NEK9: variants seen among roughly 807,000 people sequenced by gnomAD.
NEK9 encodes NIMA related kinase 9, also known as serine/threonine-protein kinase Nek9.
A neutral mutation model predicts 123.4 loss-of-function variants in NEK9; 75 were observed. The ratio of observed to expected loss-of-function variants is 0.61; its 90% CI spans 0.50 to 0.74. The LOEUF (loss-of-function observed/expected upper bound fraction) is 0.74, where lower values mean the gene tolerates loss of function less well. NEK9 is among the 30% of genes least tolerant of loss of function. NEK9 has a pLI of 0.00. For missense variants in NEK9, 952 were observed against 1,214.4 expected, an observed-to-expected ratio of 0.78 and a Z score of 3.21; for synonymous variants, 438 against 458.7, an observed-to-expected ratio of 0.95 and a Z score of 0.58.
At chr14:75,105,902 C>T (rs751303005) in intron 13 of NEK9, 48 bp downstream of exon 13, 2 of 1,407,496 alleles carry the variant, frequency 1.4e-6, no homozygotes, top group Non-Finnish European at 2.0e-6. Context: ...TTATTGGAGT[C>T]TGTGCGACTT....
At chr14:75,089,232 AATT>A (rs1281129046) in intron 19 of NEK9, among the ~76,000 whole-genome samples, 1 of 151,850 alleles carries the variant, frequency 6.6e-6, no homozygotes, top group Non-Finnish European at 1.5e-5. Context: ...ATGCCCGGCT[AATT>A]ATTATTTTTT....
chr14:75,127,171 G>A (rs1398648329), upstream of NEK9: 2 of 450,008 alleles, frequency 4.4e-6, no homozygotes, highest in Non-Finnish European at 7.9e-6. Context: ...GGGAAGGCCT[G>A]CAAAGTGAGG....
At chr14:75,116,942 G>T (rs569603813) in intron 6 of NEK9, among the ~76,000 whole-genome samples, 3 of 152,214 alleles carry the variant, frequency 2.0e-5, no homozygotes, top group East Asian at 3.9e-4. Context: ...ATGGAGACGG[G>T]GTTTCACCAT....
intron 11 of NEK9, among the ~76,000 whole-genome samples, chr14:75,107,016 C>T (rs947520130): frequency 1.3e-5 from 2 of 152,036 alleles, no homozygotes; most frequent in Admixed American, 1.3e-4. Context: ...TAAGTAATGA[C>T]AAGACCAAAA....
At chr14:75,120,444 G>A in intron 4 of NEK9, 66 bp downstream of exon 4, 3 of 1,043,920 alleles carry the variant, frequency 2.9e-6, no homozygotes, top group South Asian at 2.7e-5. Context: ...TGTTGTTGGG[G>A]GGGTATCCAC....
intron 3 of NEK9, 79 bp downstream of exon 3, chr14:75,121,040 T>C: frequency 8.8e-7 from 1 of 1,138,916 alleles, no homozygotes; most frequent in Non-Finnish European, 1.3e-6. Context: ...TCTTCACTAT[T>C]GGAAGAGTAA....
chr14:75,118,277 A>G (rs745934149), intron 5 of NEK9, among the ~76,000 whole-genome samples: 5 of 152,212 alleles, frequency 3.3e-5, no homozygotes, highest in Non-Finnish European at 5.9e-5. Flanking sequence ...AACTAGAAGA[A>G]TAACAACTGG....
intron 16 of NEK9, among the ~76,000 whole-genome samples, chr14:75,099,269 G>A (rs1016566574): frequency 1.3e-5 from 2 of 152,040 alleles, no homozygotes; most frequent in African/African-American, 4.8e-5. Context: ...AGGCTGCACT[G>A]AGCCGAGATC....
intron 16 of NEK9, among the ~76,000 whole-genome samples, chr14:75,098,095 G>C (rs1281285252): frequency 6.6e-6 from 1 of 152,184 alleles, no homozygotes; most frequent in Non-Finnish European, 1.5e-5. Context: ...GGGGAGCAAG[G>C]ATGGAAGCAG....
intron 18 of NEK9, among the ~76,000 whole-genome samples, chr14:75,095,061 T>C (rs1023725506): frequency 2.0e-5 from 3 of 152,136 alleles, no homozygotes; most frequent in Non-Finnish European, 2.9e-5. Context: ...ACCGTGGAAG[T>C]AGAGGACTCA....
In NEK9 at chr14:75,113,396, T is replaced by C; in HGVS notation, c.881A>G (p.Glu294Gly). The C allele has an allele frequency of 6.2e-7, 1 of 1,612,522 alleles. No individual in the cohort carries two copies. ...MVHSCLDQDP[E>G]QRPTADELLD... Reference sequence around the variant, plus strand: ...AAGTTCATCTGCAGTAGGTCTCTGCTCAGGATCCTAAAAAGTAAAAATAGG... The same window carrying C: ...AAGTTCATCTGCAGTAGGTCTCTGCCCAGGATCCTAAAAAGTAAAAATAGG... Residue 294 changes from glutamate to glycine, a missense_variant, in exon 8 of 22, where the codon GAG (glutamate) becomes GGG (glycine). Around this residue, in one of 4 missense-constraint regions of NEK9, gnomAD observed 698 missense variants for 875.6 expected, o/e 0.80. Coordinates refer to ENST00000238616, the MANE Select transcript of NEK9 (RefSeq NM_033116.6).
At position 75,107,584 on chromosome 14, in the gene NEK9, G is replaced by A. The variant is rs1594840478; in HGVS notation, c.1183-97C>T. ...GGTTCTCGCTATGTTGCCCAAGCTGGTCTTGAACTCCTGGGCTCAAGTGAT... is the reference window on the plus strand; with the variant it reads ...GGTTCTCGCTATGTTGCCCAAGCTGATCTTGAACTCCTGGGCTCAAGTGAT... On this transcript the variant is annotated intron_variant, in intron 10 of 21. Transcript: ENST00000238616. 24 of 1,044,740 alleles carry A rather than the reference G, an allele frequency of 2.3e-5. No individual in the cohort carries two copies. In the South Asian group the frequency reaches 4.2e-4, roughly 18 times the overall value. 64.7% of individuals were successfully genotyped at this position (1,044,740 alleles called of 1,614,324 possible).
At chr14:75,127,112 C>T (rs561988706), upstream of NEK9, 116 of 537,100 alleles carry the variant, frequency 2.2e-4, no homozygotes, top group Non-Finnish European at 3.4e-4. Context: ...TTTCCTCCGC[C>T]TTTGCTTACC....
In NEK9 at chr14:75,082,112, C is replaced by T. The variant is rs2139699187; in HGVS notation, c.*2452G>A. 1.3e-5 allele frequency: 2 copies of T among 152,306 alleles called. No individual in the cohort carries two copies. The highest frequency in any genetic ancestry group is 4.1e-4 in the South Asian group (2 of 4,828). 9.4% of individuals were successfully genotyped at this position (152,306 alleles called of 1,614,324 possible). ...GTCCATGCACAGGCTTACTGAAGCA[C>T]AGTACTGATTAAGAGCTTAAATGTT... is the stretch of plus-strand genomic sequence containing the variant. On this transcript the variant is annotated 3_prime_UTR_variant, in exon 22 of 22. Coordinates refer to ENST00000238616, the MANE Select transcript of NEK9 (RefSeq NM_033116.6).
chr14:75,120,970 G>A (rs770217667), intron 3 of NEK9, 149 bp downstream of exon 3: 31 of 727,594 alleles, frequency 4.3e-5, no homozygotes, highest in Non-Finnish European at 7.4e-5. Context: ...CCTTGTTAGA[G>A]GTTTCCTTTC....
At chr14:75,116,929 C>T (rs175459) in intron 6 of NEK9, among the ~76,000 whole-genome samples, 150,421 of 152,256 alleles carry the variant, frequency 0.99, 74,324 homozygotes, top group East Asian at 1. Flanking sequence ...TTTTGTATTT[C>T]TAATGGAGAC....
In NEK9 at chr14:75,120,721, T is replaced by C. The variant is rs572157495; in HGVS notation, c.454-141A>G. On this transcript the variant is annotated intron_variant, in intron 3 of 21. Transcript: ENST00000238616. ...TGACTTGACATCTCTTCCTTGCAGG[T>C]TGAGTAGGCAAAGAAAAGTGAAGGG... 9 of 664,436 alleles carry C rather than the reference T, an allele frequency of 1.4e-5. No individual in the cohort carries two copies. The East Asian group carries it at 2.5e-4, about 18-fold the overall frequency. 41.2% of individuals were successfully genotyped at this position (664,436 alleles called of 1,614,324 possible). A position where few individuals can be genotyped will look rare whatever the true frequency, so the allele number is the denominator to read the frequency against.
rs1895546674 is a variant in NEK9, at chr14:75,126,790, C to G, written c.132G>C (p.Ala44=). 6.5e-7 allele frequency: 1 copy of G among 1,531,166 alleles called. No homozygotes were observed. The highest frequency in any genetic ancestry group is 1.4e-5 in the African/African-American group (1 of 70,024). 94.8% of individuals were successfully genotyped at this position (1,531,166 alleles called of 1,614,324 possible). Residue 44 remains alanine (A), a synonymous_variant, in exon 1 of 22, where the codon GCG becomes GCC. Coordinates refer to ENST00000238616, the MANE Select transcript of NEK9 (RefSeq NM_033116.6). ...TGTAGTGCAGTTCCTCCTGCTCCGCCGCGCCGCCGCCGGCTCGCGGCCCCT... is the reference window on the plus strand; with the variant it reads ...TGTAGTGCAGTTCCTCCTGCTCCGCGGCGCCGCCGCCGGCTCGCGGCCCCT... The part of the protein sequence containing the change: ...ASQGPRAGGG[A]AEQEELHYIP...
rs1894203567 is a variant in NEK9, at chr14:75,091,216, G to A, written c.2442+54C>T. On this transcript the variant is annotated intron_variant, in intron 19 of 21. Coordinates refer to ENST00000238616, the MANE Select transcript of NEK9 (RefSeq NM_033116.6). ...TGAGAGACCCTGACAGCTCTTTCTA[G>A]TTCCTGCAAAGGGCCACATATTTTA... 15 of 1,464,906 alleles carry A rather than the reference G, an allele frequency of 1.0e-5. No homozygotes were observed. The South Asian group carries it at 2.0e-4, about 19-fold the overall frequency. The allele number at this position is 1,464,906 out of a possible 1,614,324, so 90.7% of individuals were successfully genotyped here. A position where few individuals can be genotyped will look rare whatever the true frequency, so the allele number is the denominator to read the frequency against.
Sources: allele counts gnomAD v4.1 joint callset (sites outside exome capture counted in the v4.1 genomes callset), GRCh38; gene constraint gnomAD v4.1.1; regional missense constraint gnomAD v4.1.1; transcripts MANE v1.5; gene names NCBI Gene and HGNC (gene_info 2026-07-23, HGNC 2026-07-21).